Variants in DDX19B observed in about 807,000 individuals in gnomAD.
DDX19B encodes ATP-dependent RNA helicase DDX19B.
DDX19B carries 27 observed loss-of-function variants against 58.1 expected under a neutral mutation model. That is an observed-to-expected ratio of 0.46 (90% confidence interval 0.34 to 0.64). The LOEUF (loss-of-function observed/expected upper bound fraction) is 0.64, where lower values mean the gene tolerates loss of function less well. Among genes scored for constraint, DDX19B ranks in the 30% least tolerant of loss-of-function variants. DDX19B has a pLI of 0.01. For synonymous variants in DDX19B, 187 were observed against 214.4 expected, an observed-to-expected ratio of 0.87 and a Z score of 1.12; for missense variants, 399 against 596.5, an observed-to-expected ratio of 0.67 and a Z score of 3.45.
chr16:70,310,549 A>C (rs1435314129), intron 1 of DDX19B, among the ~76,000 whole-genome samples: 1 of 152,058 alleles, frequency 6.6e-6, no homozygotes, highest in Non-Finnish European at 1.5e-5. Flanking sequence ...CGTCTGCAGA[A>C]AAAAAAGAAA....
intron 5 of DDX19B, 181 bp downstream of exon 5, chr16:70,317,769 C>T (rs970468979): frequency 1.2e-4 from 48 of 392,682 alleles, no homozygotes; most frequent in African/African-American, 9.4e-4. Context: ...AAGACCCTGT[C>T]TCAACAAAAA....
chr16:70,307,974 A>ATGG (rs1961856893), intron 1 of DDX19B, among the ~76,000 whole-genome samples: 1 of 150,914 alleles, frequency 6.6e-6, no homozygotes, highest in South Asian at 2.1e-4. Flanking sequence ...TTATTTTGAG[A>ATGG]CGGAGTCTCA....
Position 70,312,623 on chromosome 16 carries a change from T to A in DDX19B, c.72T>A (p.His24Gln). Residue 24 changes from histidine to glutamine, a missense_variant, in exon 2 of 12, where the codon CAT becomes CAA. By Grantham distance (24) the His-to-Gln change is conservative. Transcript: ENST00000288071. The stretch of plus-strand genomic sequence containing the variant: ...TCTCCATTTAGTTGAGCAACTTGCA[T>A]CTTAAGGAAGAGAAAATCAAACCAG... Reference protein sequence around the residue: ...EAAAESLSNLHLKEEKIKPDT... With the variant: ...EAAAESLSNLQLKEEKIKPDT... 6.2e-7 allele frequency: 1 copy of A among 1,613,302 alleles called. No individual in the cohort carries two copies. Among genetic ancestry groups the A allele is most frequent in the Middle Eastern group, 1.7e-4 (1 of 6,060 alleles).
chr16:70,312,167 C>G (rs186648935), intron 1 of DDX19B, among the ~76,000 whole-genome samples: 7 of 152,232 alleles, frequency 4.6e-5, no homozygotes, highest in Admixed American at 2.0e-4. Flanking sequence ...CACAGTCCTC[C>G]CTTCCCAGTG....
chr16:70,304,784 C>G (rs1354954968), intron 1 of DDX19B, among the ~76,000 whole-genome samples: 1 of 149,284 alleles, frequency 6.7e-6, no homozygotes, highest in African/African-American at 2.5e-5. Flanking sequence ...TTCTATATTT[C>G]CTGGGAGATT....
intron 5 of DDX19B, among the ~76,000 whole-genome samples, chr16:70,320,545 T>G (rs1243784590): frequency 2.0e-5 from 3 of 149,394 alleles, no homozygotes; most frequent in Non-Finnish European, 4.4e-5. Context: ...TGGCTAATTT[T>G]TATACAATTT....
intron 1 of DDX19B, among the ~76,000 whole-genome samples, chr16:70,301,364 A>G (rs1961475085): frequency 6.6e-6 from 1 of 152,146 alleles, no homozygotes; most frequent in Non-Finnish European, 1.5e-5. Flanking sequence ...TTTTAAATGT[A>G]TTGTTCCATT....
chr16:70,296,612 T>A (rs544579998), upstream of DDX19B, among the ~76,000 whole-genome samples: 1 of 152,272 alleles, frequency 6.6e-6, no homozygotes, highest in South Asian at 2.1e-4. Context: ...TCTAGCCCTG[T>A]GAAACAATAT....
chr16:70,320,242 A>C (rs759041427), intron 5 of DDX19B, among the ~76,000 whole-genome samples: 3 of 151,092 alleles, frequency 2.0e-5, no homozygotes, highest in Non-Finnish European at 4.4e-5. Flanking sequence ...CCAGGTAGCT[A>C]GGACTACAGG....
Position 70,330,023 on chromosome 16 carries a change from CCTCT to C in DDX19B, c.979_982del (p.Leu327ThrfsTer10). 1.2e-6 allele frequency: 2 copies of C among 1,614,056 alleles called. No individual in the cohort carries two copies. The highest frequency in any genetic ancestry group is 2.7e-5 in the African/African-American group (2 of 75,056). On this transcript the variant is annotated frameshift_variant, in exon 9 of 12. Transcript: ENST00000288071. LOFTEE classifies it high-confidence loss of function. ...ACGAGAAGTTCCAGGCCTTGTGTAA[CCTCT>C]ACGGGGCCATCACCATTGCTCAAGC...
chr16:70,294,651 G>T (rs1043088059), upstream of DDX19B: 3 of 440,114 alleles, frequency 6.8e-6, no homozygotes, highest in African/African-American at 6.1e-5. Context: ...CAGACATTTA[G>T]CAGGAAACAA....
intron 6 of DDX19B, 31 bp downstream of exon 6, chr16:70,324,718 A>G (rs756945695): frequency 6.3e-7 from 1 of 1,586,052 alleles, no homozygotes; most frequent in South Asian, 1.1e-5. Flanking sequence ...GTTTTCTACT[A>G]ATGCATAGAT....
At position 70,333,710 on chromosome 16, in the gene DDX19B, C is replaced by T; in HGVS notation, c.*128C>T. On this transcript the variant is annotated 3_prime_UTR_variant, in exon 12 of 12. Transcript: ENST00000288071. ...AAGTAGAGAGAAACTACCTACCTCACTTCAAATTATGTTTGGACTTGACAA... is the reference window on the plus strand; with the variant it reads ...AAGTAGAGAGAAACTACCTACCTCATTTCAAATTATGTTTGGACTTGACAA... 7.1e-7 allele frequency: 1 copy of T among 1,403,968 alleles called. No individual in the cohort carries two copies. The highest frequency in any genetic ancestry group is 9.9e-7 in the Non-Finnish European group (1 of 1,009,420). The allele number at this position is 1,403,968 out of a possible 1,614,324, so 87.0% of individuals were successfully genotyped here.
chr16:70,315,037 C>T, intron 3 of DDX19B, 82 bp downstream of exon 3: 1 of 1,479,240 alleles, frequency 6.8e-7, no homozygotes, highest in Non-Finnish European at 9.3e-7. Context: ...CATTTTTATA[C>T]CCAGTTTGGC....
chr16:70,293,658 G>T (rs1338473287), upstream of DDX19B, among the ~76,000 whole-genome samples: 1 of 125,506 alleles, frequency 8.0e-6, no homozygotes, highest in Non-Finnish European at 1.6e-5. Flanking sequence ...AGGCCGGACT[G>T]CGGACTGCAG....
Position 70,329,999 on chromosome 16 carries a change from C to G in DDX19B, c.954C>G (p.Asp318Glu). ...ACTATGTCCTGTGCAGCAGCAGAGA[C>G]GAGAAGTTCCAGGCCTTGTGTAACC... ...KQYYVLCSSR[D>E]EKFQALCNLY... The change falls in exon 9 of 12, where the codon GAC (aspartate) becomes GAG (glutamate). Residue 318 changes from aspartate (D) to glutamate (E), a missense_variant. Transcript: ENST00000288071. 1 of 1,614,148 alleles carries G rather than the reference C, an allele frequency of 6.2e-7. No homozygotes were observed. The highest frequency in any genetic ancestry group is 8.5e-7 in the Non-Finnish European group (1 of 1,180,018).
At chr16:70,325,308 T>C (rs559643559) in intron 6 of DDX19B, among the ~76,000 whole-genome samples, 5 of 152,336 alleles carry the variant, frequency 3.3e-5, no homozygotes, top group Non-Finnish European at 5.9e-5. Context: ...CTAATGCCAA[T>C]TGGAACTTTA....
intron 4 of DDX19B, among the ~76,000 whole-genome samples, chr16:70,316,639 G>C (rs954598316): frequency 2.0e-5 from 3 of 152,168 alleles, no homozygotes; most frequent in African/African-American, 7.2e-5. Context: ...AACATAGCGA[G>C]ACCAGACTCC....
chr16:70,307,675 A>ATATG (rs111558307), intron 1 of DDX19B, among the ~76,000 whole-genome samples: 4,447 of 149,390 alleles, frequency 0.03, 218 homozygotes, highest in African/African-American at 0.1. Context: ...ATGTATATAT[A>ATATG]TGTGTGTGTG....
Sources: allele counts gnomAD v4.1 joint callset (sites outside exome capture counted in the v4.1 genomes callset), GRCh38; gene constraint gnomAD v4.1.1; transcripts MANE v1.5; gene names NCBI Gene and HGNC (gene_info 2026-07-23, HGNC 2026-07-21).